MGAT5: variants seen among roughly 807,000 people sequenced by gnomAD.
MGAT5 encodes the protein alpha-1,6-mannosylglycoprotein 6-beta-N-acetylglucosaminyltransferase, also known as alpha-1,6-mannosylglycoprotein 6-beta-N-acetylglucosaminyltransferase A.
In MGAT5, 30 loss-of-function variants were observed where a neutral mutation model predicts 94.3. The observed-to-expected ratio is 0.32, with a 90% CI of 0.24 to 0.43. The LOEUF is 0.43. Among genes scored for constraint, MGAT5 ranks in the 20% least tolerant of loss-of-function variants. MGAT5 has a pLI of 1.00. For synonymous variants in MGAT5, 310 were observed against 322.9 expected, an observed-to-expected ratio of 0.96 and a Z score of 0.43; for missense variants, 691 against 905.5, an observed-to-expected ratio of 0.76 and a Z score of 3.04.
chr2:134,258,884 T>A (rs1683146757), intron 1 of MGAT5, among the ~76,000 whole-genome samples: 1 of 152,188 alleles, frequency 6.6e-6, no homozygotes, highest in Non-Finnish European at 1.5e-5. Context: ...CCAAGGACTG[T>A]GAGACATGAG....
chr2:134,413,451 T>A (rs1397377158), intron 12 of MGAT5, among the ~76,000 whole-genome samples: 1 of 152,208 alleles, frequency 6.6e-6, no homozygotes, highest in Non-Finnish European at 1.5e-5. Context: ...CATGGATAAC[T>A]GAAGTAATGT....
At chr2:134,287,564 G>A (rs185298898) in intron 2 of MGAT5, among the ~76,000 whole-genome samples, 56 of 152,302 alleles carry the variant, frequency 3.7e-4, no homozygotes, top group African/African-American at 1.3e-3. Context: ...CATAGATGAC[G>A]TTGGACCCTA....
At chr2:134,360,484 A>G (rs16830478) in intron 9 of MGAT5, among the ~76,000 whole-genome samples, 4,504 of 152,274 alleles carry the variant, frequency 0.03, 232 homozygotes, top group African/African-American at 0.1. Flanking sequence ...AAATAACTAC[A>G]TTTCAGAAGC....
chr2:134,143,631 T>C (rs1186236061), intron 1 of MGAT5, among the ~76,000 whole-genome samples: 2 of 151,078 alleles, frequency 1.3e-5, no homozygotes, highest in Non-Finnish European at 3.0e-5. Context: ...AATAGAGGGG[T>C]GGAAGGGTGG....
chr2:134,311,685 T>G (rs988828754), intron 2 of MGAT5, among the ~76,000 whole-genome samples: 7 of 152,186 alleles, frequency 4.6e-5, no homozygotes, highest in Admixed American at 3.9e-4. Flanking sequence ...CTCTTTGTTT[T>G]TGAGATTCTT....
chr2:134,133,909 ATTT>A (rs1686289756), intron 1 of MGAT5, among the ~76,000 whole-genome samples: 1 of 152,174 alleles, frequency 6.6e-6, no homozygotes, highest in Non-Finnish European at 1.5e-5. Flanking sequence ...GTCTGAAAAC[ATTT>A]TAAGCCATCC....
chr2:134,149,495 C>T (rs974659713), intron 1 of MGAT5, among the ~76,000 whole-genome samples: 7 of 151,988 alleles, frequency 4.6e-5, no homozygotes, highest in Admixed American at 1.3e-4. Flanking sequence ...GGGATTGCCA[C>T]GGTTATCTGG....
chr2:134,189,602 G>GTTTTTTTTTTTGTTTTTT (rs1689242328), intron 1 of MGAT5, among the ~76,000 whole-genome samples: 1 of 84,672 alleles, frequency 1.2e-5, no homozygotes, highest in African/African-American at 4.8e-5. Flanking sequence ...GTTTTTTTTT[G>GTTTTTTTTTTTGTTTTTT]TTTTTTTTTT....
intron 5 of MGAT5, among the ~76,000 whole-genome samples, chr2:134,337,606 A>G (rs747064648): frequency 1.3e-5 from 2 of 152,200 alleles, no homozygotes; most frequent in African/African-American, 2.4e-5. Flanking sequence ...TATTATTCCA[A>G]TCACTCGTTG....
chr2:134,423,790 A>G (rs1016631381), intron 13 of MGAT5, among the ~76,000 whole-genome samples: 3 of 152,032 alleles, frequency 2.0e-5, no homozygotes, highest in African/African-American at 7.3e-5. Flanking sequence ...AGTAAATGAG[A>G]TAATGTATGT....
chr2:134,292,306 T>C (rs1685417045), intron 2 of MGAT5, among the ~76,000 whole-genome samples: 1 of 152,140 alleles, frequency 6.6e-6, no homozygotes, highest in African/African-American at 2.4e-5. Flanking sequence ...TTTTACTCAG[T>C]GCTGACTCTG....
chr2:134,336,148 C>T (rs778846159), intron 4 of MGAT5, 69 bp from the exon 5 acceptor site: 166 of 1,255,204 alleles, frequency 1.3e-4, no homozygotes, highest in Non-Finnish European at 1.7e-4. Flanking sequence ...GAGCTGTTCT[C>T]GGTGCTTTTT....
chr2:134,197,810 C>A (rs540871128), intron 1 of MGAT5, among the ~76,000 whole-genome samples: 1 of 152,160 alleles, frequency 6.6e-6, no homozygotes, highest in South Asian at 2.1e-4. Context: ...TGCCCTGCCA[C>A]CCCCAGTGTT....
At chr2:134,314,022 G>A (rs1450532684) in intron 2 of MGAT5, among the ~76,000 whole-genome samples, 1 of 152,178 alleles carries the variant, frequency 6.6e-6, no homozygotes, top group East Asian at 1.9e-4. Context: ...ATAGAATTTT[G>A]GTCATTTGAT....
chr2:134,394,601 C>A (rs1381305426), intron 10 of MGAT5, among the ~76,000 whole-genome samples: 1 of 151,970 alleles, frequency 6.6e-6, no homozygotes, highest in Non-Finnish European at 1.5e-5. Context: ...TAATGTATTA[C>A]TTTATATTTT....
intron 1 of MGAT5, among the ~76,000 whole-genome samples, chr2:134,162,962 A>C (rs1243122309): frequency 6.6e-6 from 1 of 152,172 alleles, no homozygotes; most frequent in African/African-American, 2.4e-5. Context: ...CATGAATAGA[A>C]ACTGTATTTT....
rs144260658 is a variant in MGAT5 at position 134,423,240 on chromosome 2, G to T, written c.1794+321G>T. On this transcript the variant is annotated intron_variant, in intron 13 of 15. Coordinates refer to ENST00000281923, the MANE Select transcript of MGAT5 (RefSeq NM_002410.5). ...TGTTGCTCTCACAGAGATCTGAAAAGATAGCCCTGCTTCCTCTACAAAAGA... is the reference window on the plus strand; with the variant it reads ...TGTTGCTCTCACAGAGATCTGAAAATATAGCCCTGCTTCCTCTACAAAAGA... Among the ~76,000 whole-genome samples the T allele has an allele frequency of 1.8e-4, 28 of 152,308 alleles. No homozygotes were observed. The East Asian group carries it at 5.2e-3, about 28-fold the overall frequency.
intron 4 of MGAT5, among the ~76,000 whole-genome samples, chr2:134,326,458 T>A (rs781028835): frequency 6.6e-6 from 1 of 152,042 alleles, no homozygotes; most frequent in Non-Finnish European, 1.5e-5. Flanking sequence ...TATGCCAAGA[T>A]CTTCCAGATT....
chr2:134,217,278 A>G (rs535194112), intron 1 of MGAT5, among the ~76,000 whole-genome samples: 1 of 108,380 alleles, frequency 9.2e-6, no homozygotes, highest in Admixed American at 9.3e-5. Context: ...TGTAAAATAT[A>G]CCAAATGTGT....
Sources: gnomAD v4.1 joint callset for allele counts (sites outside exome capture counted in the v4.1 genomes callset) on GRCh38, gnomAD v4.1.1 for gene constraint, MANE v1.5 for transcripts, NCBI Gene and HGNC (gene_info 2026-07-23, HGNC 2026-07-21) for gene names.